Variants in SHPRH observed in about 807,000 individuals in gnomAD.
The protein encoded by SHPRH is E3 ubiquitin-protein ligase SHPRH.
SHPRH carries 106 observed loss-of-function variants against 202.5 expected under a neutral mutation model. The ratio of observed to expected loss-of-function variants is 0.52; its 90% CI spans 0.45 to 0.62. The LOEUF (loss-of-function observed/expected upper bound fraction) is 0.62, where lower values mean the gene tolerates loss of function less well. SHPRH is among the 20% of genes least tolerant of loss of function. SHPRH has a pLI of 0.00. For synonymous variants in SHPRH, 729 were observed against 686.0 expected (o/e 1.06, Z -0.98); for missense variants, 1,710 against 2,020.0 (o/e 0.85, Z 2.94).
chr6:145,962,301 T>A (rs1397002625), intron 1 of SHPRH, among the ~76,000 whole-genome samples: 1 of 152,134 alleles, frequency 6.6e-6, no homozygotes, highest in African/African-American at 2.4e-5. Context: ...CAATGCCAGG[T>A]CAGTGCTAGG....
intron 2 of SHPRH, among the ~76,000 whole-genome samples, chr6:145,868,418 A>G (rs1261901849): frequency 6.6e-6 from 1 of 152,232 alleles, no homozygotes; most frequent in African/African-American, 2.4e-5. Flanking sequence ...TCTGCTTAAT[A>G]TCACACAGCT....
intron 2 of SHPRH, among the ~76,000 whole-genome samples, chr6:145,879,568 T>C (rs1266831644): frequency 6.6e-6 from 1 of 152,174 alleles, no homozygotes; most frequent in Non-Finnish European, 1.5e-5. Context: ...TCTTTTCTCA[T>C]GGATAATCAA....
At chr6:145,950,155 T>C in intron 4 of SHPRH, 109 bp downstream of exon 4, 1 of 830,878 alleles carries the variant, frequency 1.2e-6, no homozygotes, top group Non-Finnish European at 1.9e-6. Context: ...ACCCATTCTA[T>C]CTTATATTTT....
chr6:145,922,797 T>C lies in SHPRH; in HGVS notation c.3585A>G (p.Thr1195=). ...DCRGLQFLLT[T]QMEELNKCQK... is the part of the protein sequence containing the mutation. ...GGCATTTATTTAGCTCTTCCATTTG[T>C]GTTGTAAGTAAGAACTGAAGACCTC... Residue 1195 remains threonine, a synonymous_variant, in exon 19 of 30, where the codon ACA becomes ACG. Coordinates refer to ENST00000275233, the MANE Select transcript of SHPRH (RefSeq NM_001042683.3). 2 of 1,611,910 alleles carry C rather than the reference T, an allele frequency of 1.2e-6. No individual in the cohort carries two copies. Among genetic ancestry groups the C allele is most frequent in the Non-Finnish European group, 8.5e-7 (1 of 1,178,640 alleles).
intron 2 of SHPRH, among the ~76,000 whole-genome samples, chr6:145,869,033 C>T (rs974447908): frequency 1.3e-5 from 2 of 152,164 alleles, no homozygotes; most frequent in African/African-American, 4.8e-5. Context: ...GAATGCTTTA[C>T]ATCCTCACCA....
chr6:145,946,445 T>TA (rs903117712), intron 6 of SHPRH, 104 bp from the exon 7 acceptor site: 148 of 925,542 alleles, frequency 1.6e-4, no homozygotes, highest in Non-Finnish European at 2.2e-4. Flanking sequence ...AAAACAGTTC[T>TA]AAAAAAATTG....
intron 11 of SHPRH, chr6:145,935,819 T>A (rs1335197613): frequency 1.2e-5 from 2 of 162,162 alleles, no homozygotes; most frequent in Non-Finnish European, 2.7e-5. Context: ...ATTTGCTGGA[T>A]TGGAAAAAAG....
intron 15 of SHPRH, 114 bp from the exon 16 acceptor site, chr6:145,926,410 A>T: frequency 1.1e-6 from 1 of 893,366 alleles, no homozygotes; most frequent in East Asian, 2.5e-5. Context: ...CATATCACCA[A>T]ATACTTTTCC....
At chr6:145,888,587 C>A (rs539541538) in intron 28 of SHPRH, among the ~76,000 whole-genome samples, 10 of 152,236 alleles carry the variant, frequency 6.6e-5, no homozygotes, top group African/African-American at 2.4e-4. Flanking sequence ...CCAGGTCACA[C>A]AGGGCCTTCC....
intron 23 of SHPRH, among the ~76,000 whole-genome samples, chr6:145,915,986 G>A (rs989803937): frequency 3.3e-5 from 5 of 151,894 alleles, no homozygotes; most frequent in Non-Finnish European, 7.4e-5. Flanking sequence ...GAAATTACAA[G>A]TATGCTAGAT....
intron 2 of SHPRH, among the ~76,000 whole-genome samples, chr6:145,866,921 G>A (rs560587070): frequency 5.4e-5 from 8 of 148,226 alleles, no homozygotes; most frequent in African/African-American, 1.9e-4. Context: ...GACAGAGAGG[G>A]GACAGGGGCA....
rs368330102 is a variant in SHPRH, at chr6:145,955,293, T to C, written c.30A>G (p.Pro10=). Reference sequence around the variant, plus strand: ...GCCTCTTTTCCTCATCTACCCTCACTGGAGGAGCACGTTTCCGTCGGCTGC... The same window carrying C: ...GCCTCTTTTCCTCATCTACCCTCACCGGAGGAGCACGTTTCCGTCGGCTGC... MSSRRKRAP[P]VRVDEEKRQQ... Residue 10 remains proline (P), a synonymous_variant, in exon 2 of 30, where the codon CCA becomes CCG. Transcript: ENST00000275233. 1.2e-6 allele frequency: 2 copies of C among 1,604,872 alleles called. No individual in the cohort carries two copies. The highest frequency in any genetic ancestry group is 1.7e-6 in the Non-Finnish European group (2 of 1,176,384).
intron 5 of SHPRH, 24 bp downstream of exon 5, chr6:145,948,248 C>A: frequency 6.6e-7 from 1 of 1,506,810 alleles, no homozygotes; most frequent in South Asian, 1.3e-5. Flanking sequence ...TTAAATCAAG[C>A]ATATAAGTAA....
chr6:145,945,424 T>C lies in SHPRH; in HGVS notation c.1535A>G (p.Lys512Arg), dbSNP rs747652103. Residue 512 changes from lysine (K) to arginine (R), a missense_variant, in exon 8 of 30, where the codon AAG becomes AGG. Transcript: ENST00000275233. ...ACATATATCCTCTTCCTTGTAATTC[T>C]TTCCCAATGTAAAAGTCCCAGAAAA... is the stretch of plus-strand genomic sequence containing the variant. ...HGFSGTFTLG[K>R]NYKEEDICDK... 14 of 1,612,876 alleles carry C rather than the reference T, an allele frequency of 8.7e-6. No individual in the cohort carries two copies. The highest frequency in any genetic ancestry group is 1.2e-5 in the Non-Finnish European group (14 of 1,179,402).
At chr6:145,916,248 G>A (rs975897398) in intron 23 of SHPRH, among the ~76,000 whole-genome samples, 2 of 151,924 alleles carry the variant, frequency 1.3e-5, no homozygotes, top group African/African-American at 4.8e-5. Context: ...TTCACATACA[G>A]GTTGAGCATT....
chr6:145,921,648 T>G (rs1445429487), intron 20 of SHPRH, among the ~76,000 whole-genome samples: 1 of 151,902 alleles, frequency 6.6e-6, no homozygotes, highest in African/African-American at 2.4e-5. Context: ...CATGCAGAAG[T>G]GAACGTTTGG....
At position 145,894,876 on chromosome 6, in the gene SHPRH, T is replaced by C. The variant is rs777240692; in HGVS notation, c.4608+9A>G. 1 of 1,611,612 alleles carries C rather than the reference T, an allele frequency of 6.2e-7. No homozygotes were observed. The highest frequency in any genetic ancestry group is 1.1e-5 in the South Asian group (1 of 90,888). On this transcript the variant is annotated intron_variant, in intron 26 of 29. Transcript: ENST00000275233. The stretch of plus-strand genomic sequence containing the variant: ...GAATTAATATTGAGGATGAAAATGT[T>C]GATTATACCGTTGAGAAAACGAGTG...
At chr6:145,906,425 CTCAGA>C (rs1163811788) in intron 25 of SHPRH, 1 of 152,104 alleles carries the variant, frequency 6.6e-6, no homozygotes, top group Non-Finnish European at 1.5e-5. Flanking sequence ...ATCTCCCATT[CTCAGA>C]TAAGAACACC....
chr6:145,954,219 T>C (rs1362770575), intron 2 of SHPRH, among the ~76,000 whole-genome samples: 1 of 151,726 alleles, frequency 6.6e-6, no homozygotes, highest in Non-Finnish European at 1.5e-5. Flanking sequence ...ATAAATCAAT[T>C]TGGAGTTTCT....
Sources: allele counts gnomAD v4.1 joint callset (sites outside exome capture counted in the v4.1 genomes callset), GRCh38; gene constraint gnomAD v4.1.1; transcripts MANE v1.5; gene names NCBI Gene and HGNC (gene_info 2026-07-23, HGNC 2026-07-21).